PCDHA2: variants seen among roughly 807,000 people sequenced by gnomAD.
PCDHA2 encodes the protein protocadherin alpha 2.
A neutral mutation model predicts 66.0 loss-of-function variants in PCDHA2; 58 were observed. The observed-to-expected ratio is 0.88, with a 90% CI of 0.71 to 1.09. PCDHA2 has a LOEUF of 1.09. PCDHA2 is among the 50% of genes least tolerant of loss of function. PCDHA2 has a pLI of 0.00. For missense variants in PCDHA2, 1,267 were observed against 1,242.3 expected, an observed-to-expected ratio of 1.02 and a Z score of -0.30; for synonymous variants, 634 against 554.0, an observed-to-expected ratio of 1.14 and a Z score of -2.03.
In PCDHA2 at chr5:141,006,011, G is replaced by A. The variant is rs146101776; in HGVS notation, c.2537-3616G>A. Among the ~76,000 whole-genome samples the A allele has an allele frequency of 2.7e-3, 408 of 151,544 alleles. 2 individuals carry two copies. Among genetic ancestry groups the A allele is most frequent in the African/African-American group, 8.8e-3 (365 of 41,422 alleles). Reference sequence around the variant, plus strand: ...GAGGATCTGAAAGAAGGCCTGTATGGTTGGAGTATAATAGTAAGAGGGAGA... The same window carrying A: ...GAGGATCTGAAAGAAGGCCTGTATGATTGGAGTATAATAGTAAGAGGGAGA... On this transcript the variant is annotated intron_variant, in intron 3 of 3. Coordinates refer to ENST00000526136, the MANE Select transcript of PCDHA2 (RefSeq NM_018905.3).
intron 3 of PCDHA2, among the ~76,000 whole-genome samples, chr5:140,992,214 C>G (rs2097499658): frequency 6.6e-6 from 1 of 152,152 alleles, no homozygotes; most frequent in Non-Finnish European, 1.5e-5. Flanking sequence ...ATAAACTACT[C>G]TCCCTTCCTG....
chr5:140,967,240 C>T, intron 1 of PCDHA2: 1 of 1,613,644 alleles, frequency 6.2e-7, no homozygotes, highest in African/African-American at 1.3e-5. Flanking sequence ...TTCAGGTAAG[C>T]GAATCGGTGG....
At chr5:140,864,105 T>C (rs1413292385) in intron 1 of PCDHA2, 1 of 152,314 alleles carries the variant, frequency 6.6e-6, no homozygotes, top group Non-Finnish European at 1.5e-5. Flanking sequence ...ATAATGATAA[T>C]AGTAATAATG....
At chr5:140,810,496 A>T (rs1258787751) in intron 1 of PCDHA2, 1 of 152,222 alleles carries the variant, frequency 6.6e-6, no homozygotes, top group Non-Finnish European at 1.5e-5. Context: ...TACATTTGTC[A>T]GGTTATTTTC....
At position 140,796,353 on chromosome 5, in the gene PCDHA2, C is replaced by T; in HGVS notation, c.1389C>T (p.Phe463=). Residue 463 remains phenylalanine (F), a synonymous_variant, in exon 1 of 4, where the codon TTC becomes TTT. Coordinates refer to ENST00000526136, the MANE Select transcript of PCDHA2 (RefSeq NM_018905.3). ...PAFAQPEYTV[F]VKENNPPGCH... is the part of the protein sequence containing the mutation. ...TCGCACAGCCTGAGTACACAGTATT[C>T]GTGAAGGAGAACAACCCGCCGGGCT... The T allele has an allele frequency of 6.2e-7, 1 of 1,611,956 alleles. No individual in the cohort carries two copies. The highest frequency in any genetic ancestry group is 8.5e-7 in the Non-Finnish European group (1 of 1,179,458).
intron 1 of PCDHA2, chr5:140,822,708 C>G (rs2150118735): frequency 6.2e-7 from 1 of 1,610,702 alleles, no homozygotes; most frequent in South Asian, 1.1e-5. Context: ...ATTATGAAGA[C>G]TATAACTCAT....
chr5:140,902,963 G>T (rs2069893804), intron 1 of PCDHA2, among the ~76,000 whole-genome samples: 1 of 152,180 alleles, frequency 6.6e-6, no homozygotes, highest in Non-Finnish European at 1.5e-5. Context: ...CTTGTTGGCT[G>T]ATGGGCATTT....
At position 140,799,943 on chromosome 5, in the gene PCDHA2, C is replaced by A. The variant is rs150130009; in HGVS notation, c.2388+2591C>A. On this transcript the variant is annotated intron_variant, in intron 1 of 3. Transcript: ENST00000526136. ...TGCTTCTCATTGAATTCACAGATATCTTTAGAATGTTTTATTGCTTAGTGT... is the reference window on the plus strand; with the variant it reads ...TGCTTCTCATTGAATTCACAGATATATTTAGAATGTTTTATTGCTTAGTGT... Among the ~76,000 whole-genome samples the A allele has an allele frequency of 5.9e-5, 9 of 152,134 alleles. No individual in the cohort carries two copies. The East Asian group carries it at 1.7e-3, about 29-fold the overall frequency.
chr5:140,807,655 C>A (rs1554124179), intron 1 of PCDHA2: 1 of 1,614,184 alleles, frequency 6.2e-7, no homozygotes, highest in South Asian at 1.1e-5. Flanking sequence ...CACTAGAGGG[C>A]GCCTCGGATG....
chr5:140,927,308 C>T (rs782694957), intron 1 of PCDHA2: 3 of 1,614,186 alleles, frequency 1.9e-6, no homozygotes, highest in Non-Finnish European at 2.5e-6. Flanking sequence ...TTCCTGACGC[C>T]CGGAGCCCGC....
rs7707310 is a variant in PCDHA2, at chr5:140,803,680, G to T, written c.2388+6328G>T. 12,241 of 1,584,414 alleles carry T rather than the reference G, an allele frequency of 7.7e-3. 807 individuals are homozygous for T. In the African/African-American group the frequency reaches 0.14, roughly 19 times the overall value. On this transcript the variant is annotated intron_variant, in intron 1 of 3. Coordinates refer to ENST00000526136, the MANE Select transcript of PCDHA2 (RefSeq NM_018905.3). ...CCTCTGGAAATACATTAATAGTTAA[G>T]TATGAATTATGTGATTCATAATTAG...
At chr5:140,829,255 G>C (rs2150164788) in intron 1 of PCDHA2, 10 of 1,614,172 alleles carry the variant, frequency 6.2e-6, no homozygotes, top group South Asian at 4.4e-5. Context: ...TGAACTGCTC[G>C]CTGACGCCTC....
chr5:140,869,392 G>T, intron 1 of PCDHA2: 1 of 1,614,164 alleles, frequency 6.2e-7, no homozygotes, highest in Non-Finnish European at 8.5e-7. Flanking sequence ...GGAGCTGTGC[G>T]GGCAGAGCGC....
intron 1 of PCDHA2, chr5:140,842,186 G>A (rs2150331306): frequency 1.3e-5 from 21 of 1,613,692 alleles, no homozygotes; most frequent in Middle Eastern, 1.6e-4. Flanking sequence ...TGAAACTATG[G>A]TTATTGACCA....
chr5:140,836,482 T>C, intron 1 of PCDHA2: 2 of 1,613,884 alleles, frequency 1.2e-6, no homozygotes, highest in Middle Eastern at 1.7e-4. Flanking sequence ...AACGTGTACC[T>C]GATCATCGCC....
At chr5:140,938,699 A>G (rs1418739484) in intron 1 of PCDHA2, among the ~76,000 whole-genome samples, 4 of 152,128 alleles carry the variant, frequency 2.6e-5, no homozygotes, top group African/African-American at 4.8e-5. Context: ...TTTTAAATAT[A>G]TGTTTATGAT....
chr5:140,838,387 G>A (rs1554137061), intron 1 of PCDHA2, among the ~76,000 whole-genome samples: 1 of 150,594 alleles, frequency 6.6e-6, no homozygotes, highest in African/African-American at 2.5e-5. Context: ...GCCTCCCAAT[G>A]TGCTGGGATT....
intron 1 of PCDHA2, chr5:140,926,357 A>G (rs1385567779): frequency 1.3e-5 from 2 of 152,178 alleles, no homozygotes; most frequent in Admixed American, 6.5e-5. Flanking sequence ...GCGGCTCCCA[A>G]AGGGCGGCAG....
chr5:140,846,112 TTAC>T (rs1780203711), intron 1 of PCDHA2, among the ~76,000 whole-genome samples: 1 of 149,772 alleles, frequency 6.7e-6, no homozygotes. Context: ...GTAGACTATC[TTAC>T]TTTGATAGTT....
Sources: gnomAD v4.1 joint callset for allele counts (sites outside exome capture counted in the v4.1 genomes callset) on GRCh38, gnomAD v4.1.1 for gene constraint, MANE v1.5 for transcripts, NCBI Gene and HGNC (gene_info 2026-07-23, HGNC 2026-07-21) for gene names.